The following QTMAN variants were observed in gnomAD, a reference collection of about 807,000 sequenced individuals.
The protein encoded by QTMAN is tRNA-queuosine alpha-mannosyltransferase.
chr2:144,300,760 T>A, the QTMAN span, among the ~76,000 whole-genome samples: 3 of 152,006 alleles, frequency 2.0e-5, no homozygotes, highest in African/African-American at 7.2e-5. Context: ...GAAGCTGGGA[T>A]AGGGGTGGAA....
At chr2:144,242,816 G>C in the QTMAN span, among the ~76,000 whole-genome samples, 11 of 151,798 alleles carry the variant, frequency 7.2e-5, no homozygotes, top group Non-Finnish European at 5.9e-5. Flanking sequence ...ATAAAAATTA[G>C]CTGGGCTTGG....
the QTMAN span, among the ~76,000 whole-genome samples, chr2:144,296,693 T>C: frequency 6.6e-6 from 1 of 152,190 alleles, no homozygotes; most frequent in African/African-American, 2.4e-5. Context: ...ACTCCAACAC[T>C]GTACCATGTT....
chr2:144,296,189 G>A, the QTMAN span, among the ~76,000 whole-genome samples: 4 of 152,116 alleles, frequency 2.6e-5, no homozygotes, highest in Non-Finnish European at 4.4e-5. Flanking sequence ...AGGAAGATAC[G>A]AAAATGCCCA....
the QTMAN span, among the ~76,000 whole-genome samples, chr2:144,309,672 T>C: frequency 6.6e-6 from 1 of 152,210 alleles, no homozygotes; most frequent in South Asian, 2.1e-4. Context: ...ACCTTGATTG[T>C]AGTAGTAGTT....
At chr2:144,294,159 C>T in the QTMAN span, among the ~76,000 whole-genome samples, 2 of 152,054 alleles carry the variant, frequency 1.3e-5, no homozygotes, top group East Asian at 1.9e-4. Context: ...CTTTATAATC[C>T]CATAATTCTC....
the QTMAN span, among the ~76,000 whole-genome samples, chr2:143,997,065 C>G: frequency 1.6e-4 from 24 of 152,094 alleles, no homozygotes; most frequent in Non-Finnish European, 2.2e-4. Flanking sequence ...AGTGAAAAAA[C>G]TGGTAAGAAG....
the QTMAN span, among the ~76,000 whole-genome samples, chr2:144,250,065 T>C: frequency 1.3e-5 from 2 of 151,422 alleles, no homozygotes; most frequent in African/African-American, 4.9e-5. Flanking sequence ...ATAAATGTGG[T>C]GGTGGTTGTA....
chr2:144,145,747 A>T, the QTMAN span: 1 of 1,604,660 alleles, frequency 6.2e-7, no homozygotes, highest in African/African-American at 1.3e-5. Flanking sequence ...GTCCTAGGAA[A>T]CAAGAAAATT....
the QTMAN span, among the ~76,000 whole-genome samples, chr2:144,313,789 T>TA: frequency 2.6e-5 from 4 of 151,424 alleles, no homozygotes; most frequent in Non-Finnish European, 4.4e-5. Context: ...TTTTTTTTTT[T>TA]AAATAGATAT....
chr2:144,013,574 GA>G, the QTMAN span, among the ~76,000 whole-genome samples: 68 of 152,088 alleles, frequency 4.5e-4, no homozygotes, highest in Non-Finnish European at 9.4e-4. Flanking sequence ...GAGAATCAGT[GA>G]AAAAGTGACA....
chr2:144,051,782 A>C, the QTMAN span, among the ~76,000 whole-genome samples: 1 of 152,156 alleles, frequency 6.6e-6, no homozygotes, highest in Admixed American at 6.5e-5. Context: ...GATCTGAACG[A>C]AACTACAAGA....
chr2:144,155,843 T>C, the QTMAN span, among the ~76,000 whole-genome samples: 7 of 151,862 alleles, frequency 4.6e-5, no homozygotes, highest in Non-Finnish European at 7.4e-5. Context: ...ATTAAAGTAA[T>C]CATGACAATA....
the QTMAN span, among the ~76,000 whole-genome samples, chr2:144,262,896 G>A: frequency 8.2e-5 from 8 of 97,462 alleles, no homozygotes; most frequent in South Asian, 3.9e-3. Flanking sequence ...GGAGATGGGA[G>A]GACAGGTGAG....
chr2:144,126,351 G>T, the QTMAN span, among the ~76,000 whole-genome samples: 1 of 151,736 alleles, frequency 6.6e-6, no homozygotes, highest in African/African-American at 2.4e-5. Context: ...CAGATATTCT[G>T]ACTTAACAGA....
chr2:144,276,078 C>A, the QTMAN span, among the ~76,000 whole-genome samples: 1 of 151,992 alleles, frequency 6.6e-6, no homozygotes, highest in African/African-American at 2.4e-5. Context: ...TTGTGTATGT[C>A]CCCAAGGGGT....
At chr2:144,308,278 T>A in the QTMAN span, among the ~76,000 whole-genome samples, 57 of 150,204 alleles carry the variant, frequency 3.8e-4, no homozygotes, top group Admixed American at 3.2e-3. Flanking sequence ...GCGATTCTCC[T>A]GCCTCAGCCT....
chr2:144,243,796 T>A, the QTMAN span, among the ~76,000 whole-genome samples: 3 of 152,334 alleles, frequency 2.0e-5, no homozygotes, highest in Admixed American at 1.3e-4. Flanking sequence ...TAATATAAAC[T>A]ATATATGACA....
chr2:144,038,819 T>C, the QTMAN span, among the ~76,000 whole-genome samples: 1 of 152,216 alleles, frequency 6.6e-6, no homozygotes. Context: ...GGATGGCATG[T>C]GGATTTTAAG....
the QTMAN span, among the ~76,000 whole-genome samples, chr2:144,000,418 T>C: frequency 6.6e-6 from 1 of 151,932 alleles, no homozygotes; most frequent in African/African-American, 2.4e-5. Flanking sequence ...ACTCTAGGCA[T>C]GAAAAATGTA....
Sources: allele counts gnomAD v4.1 joint callset (sites outside exome capture counted in the v4.1 genomes callset), GRCh38; gene constraint gnomAD v4.1.1; transcripts MANE v1.5; gene names NCBI Gene and HGNC (gene_info 2026-07-23, HGNC 2026-07-21).